Variants in GABRB1 observed in about 807,000 individuals in gnomAD.
GABRB1 encodes the protein gamma-aminobutyric acid type A receptor subunit beta1.
Under a neutral mutation model 51.6 loss-of-function variants are expected in GABRB1, and 17 were observed. That is an observed-to-expected ratio of 0.33 (90% CI 0.23 to 0.49). The LOEUF is 0.49. Among genes scored for constraint, GABRB1 ranks in the 20% least tolerant of loss-of-function variants. The pLI is 0.99. For missense variants in GABRB1, 410 were observed against 600.6 expected (o/e 0.68, Z 3.32); for synonymous variants, 247 against 218.9 (o/e 1.13, Z -1.14).
intron 4 of GABRB1, among the ~76,000 whole-genome samples, chr4:47,297,867 C>A (rs899892445): frequency 6.6e-6 from 1 of 152,170 alleles, no homozygotes; most frequent in Non-Finnish European, 1.5e-5. Flanking sequence ...CCAAATCCAG[C>A]AGCACATCAA....
At chr4:47,019,567 C>CTCTCTA in intron 1 of GABRB1, among the ~76,000 whole-genome samples, 1 of 151,462 alleles carries the variant, frequency 6.6e-6, no homozygotes, top group Non-Finnish European at 1.5e-5. Flanking sequence ...CTCTCTCTCT[C>CTCTCTA]TCTCTCTCTC....
chr4:47,032,889 G>A (rs1725394328), intron 3 of GABRB1: 3 of 384,484 alleles, frequency 7.8e-6, no homozygotes, highest in Middle Eastern at 7.4e-4. Flanking sequence ...GCGCGGTGCT[G>A]GCAATCCCCA....
intron 3 of GABRB1, among the ~76,000 whole-genome samples, chr4:47,034,049 T>C (rs1013516493): frequency 6.6e-6 from 1 of 152,166 alleles, no homozygotes; most frequent in African/African-American, 2.4e-5. Context: ...GTTTAACAAG[T>C]TGTATCATGT....
intron 3 of GABRB1, among the ~76,000 whole-genome samples, chr4:47,073,112 A>G (rs1456367003): frequency 2.0e-5 from 3 of 152,204 alleles, no homozygotes; most frequent in African/African-American, 7.2e-5. Flanking sequence ...CTTGATGGCA[A>G]TAGCTGTTTT....
chr4:47,162,839 C>T (rs186077320), intron 4 of GABRB1, among the ~76,000 whole-genome samples: 37 of 152,116 alleles, frequency 2.4e-4, no homozygotes, highest in African/African-American at 7.7e-4. Context: ...TGTTGTCTAG[C>T]GAACAGACAA....
intron 8 of GABRB1, among the ~76,000 whole-genome samples, chr4:47,419,533 C>T (rs1327178095): frequency 6.6e-6 from 1 of 152,174 alleles, no homozygotes; most frequent in Middle Eastern, 3.2e-3. Flanking sequence ...TCCAGTAAAA[C>T]ATTTAGAATC....
In GABRB1 at chr4:47,047,820, G is replaced by C. The variant is rs189519761; in HGVS notation, c.240+15336G>C. Reference sequence around the variant, plus strand: ...AAGTGTTATTAATCAGAAACAGGAAGAGATAATGGATTTGTCCTCCCTCTG... The same window carrying C: ...AAGTGTTATTAATCAGAAACAGGAACAGATAATGGATTTGTCCTCCCTCTG... On this transcript the variant is annotated intron_variant, in intron 3 of 8. Transcript: ENST00000295454. 9.3e-4 allele frequency among the ~76,000 whole-genome samples: 141 copies of C among 152,230 alleles called. 1 individual carries two copies. The highest frequency in any genetic ancestry group is 3.2e-3 in the African/African-American group (134 of 41,548).
intron 3 of GABRB1, among the ~76,000 whole-genome samples, chr4:47,070,929 A>G (rs538644691): frequency 6.6e-5 from 10 of 152,276 alleles, no homozygotes; most frequent in South Asian, 2.1e-4. Flanking sequence ...TCTACTTGCC[A>G]TCTCCATTTA....
intron 4 of GABRB1, among the ~76,000 whole-genome samples, chr4:47,221,616 C>G (rs1370066087): frequency 2.0e-5 from 3 of 151,566 alleles, no homozygotes; most frequent in Admixed American, 6.6e-5. Context: ...GGTAGTTATG[C>G]CGTATAAAGG....
intron 5 of GABRB1, among the ~76,000 whole-genome samples, chr4:47,360,592 A>G (rs1420989785): frequency 1.3e-5 from 2 of 152,092 alleles, no homozygotes; most frequent in Admixed American, 6.6e-5. Context: ...ATTTGATTAT[A>G]CAGTTCTATG....
At chr4:47,056,286 TTTC>T (rs1394190182) in intron 3 of GABRB1, among the ~76,000 whole-genome samples, 1 of 152,228 alleles carries the variant, frequency 6.6e-6, no homozygotes, top group Non-Finnish European at 1.5e-5. Flanking sequence ...TTTCACCTTC[TTTC>T]TTCTTTTAGG....
At position 47,367,505 on chromosome 4, in the gene GABRB1, G is replaced by A. The variant is rs545649556; in HGVS notation, c.545-35813G>A. Among the ~76,000 whole-genome samples the A allele has an allele frequency of 9.2e-5, 14 of 152,160 alleles. No individual in the cohort carries two copies. In the South Asian group the frequency reaches 1.7e-3, roughly 18 times the overall value. On this transcript the variant is annotated intron_variant, in intron 5 of 8. Transcript: ENST00000295454. ...CTCTTATCTGCTTGTAGAGATCTTC[G>A]ACTACCCCAAAAAGAAAAATGCTGG...
chr4:47,216,332 A>G (rs1051324841), intron 4 of GABRB1, among the ~76,000 whole-genome samples: 2 of 151,906 alleles, frequency 1.3e-5, no homozygotes, highest in Admixed American at 1.3e-4. Flanking sequence ...TCATAAAGTG[A>G]CATACAGTTT....
At chr4:47,111,439 A>G (rs1715205994) in intron 3 of GABRB1, among the ~76,000 whole-genome samples, 1 of 139,528 alleles carries the variant, frequency 7.2e-6, no homozygotes, top group Admixed American at 7.5e-5. Flanking sequence ...TTTATATTAT[A>G]TATATGGATT....
Position 47,403,731 on chromosome 4 carries a change from G to T in GABRB1, c.835+20G>T, listed in dbSNP as rs777029610. ...CACTAGGTAATACATTCTCAGCACT[G>T]CAGAGAGCTAACAGATTTTACTTTC... On this transcript the variant is annotated intron_variant, in intron 7 of 8. Transcript: ENST00000295454. 1.9e-6 allele frequency: 3 copies of T among 1,606,418 alleles called. No homozygotes were observed. Among genetic ancestry groups the T allele is most frequent in the Admixed American group, 3.4e-5 (2 of 59,358 alleles).
At chr4:47,293,716 C>A (rs975393965) in intron 4 of GABRB1, among the ~76,000 whole-genome samples, 6 of 151,928 alleles carry the variant, frequency 3.9e-5, no homozygotes, top group African/African-American at 1.5e-4. Flanking sequence ...TAGGATAAAC[C>A]TTTTTTATTT....
intron 4 of GABRB1, among the ~76,000 whole-genome samples, chr4:47,246,337 CATATATATATATATATATATATATAT>C (rs60968247): frequency 0.034 from 1,833 of 53,252 alleles, 104 homozygotes; most frequent in Non-Finnish European, 0.047. Context: ...CACATATGTA[CATATATATATATATATATATATATAT>C]ATATATATAT....
intron 5 of GABRB1, among the ~76,000 whole-genome samples, chr4:47,354,980 GTTTTT>G (rs71195627): frequency 4.5e-5 from 2 of 44,240 alleles, no homozygotes; most frequent in African/African-American, 2.0e-4. Flanking sequence ...TTCTTCCTTT[GTTTTT>G]TTTTTTTTTT....
At chr4:47,361,830 ATAT>A (rs1435069489) in intron 5 of GABRB1, among the ~76,000 whole-genome samples, 1 of 152,136 alleles carries the variant, frequency 6.6e-6, no homozygotes, top group Non-Finnish European at 1.5e-5. Flanking sequence ...CATGCTGAAG[ATAT>A]TGAACTTGAG....
Sources: allele counts gnomAD v4.1 joint callset (sites outside exome capture counted in the v4.1 genomes callset), GRCh38; gene constraint gnomAD v4.1.1; transcripts MANE v1.5; gene names NCBI Gene and HGNC (gene_info 2026-07-23, HGNC 2026-07-21).